RORA: variants seen among roughly 807,000 people sequenced by gnomAD.
The protein encoded by RORA is nuclear receptor ROR-alpha.
Under a neutral mutation model 69.5 loss-of-function variants are expected in RORA, and 7 were observed. That is an observed-to-expected ratio of 0.10 (90% CI 0.06 to 0.19). RORA has a LOEUF of 0.19. Ranked by LOEUF, RORA falls within the 10% of genes least tolerant of loss-of-function variation. The pLI is 1.00. For missense variants in RORA, 457 were observed against 663.0 expected (o/e 0.69, Z 3.41); for synonymous variants, 261 against 240.8 (o/e 1.08, Z -0.78).
intron 1 of RORA, among the ~76,000 whole-genome samples, chr15:60,819,546 G>A (rs2072860281): frequency 6.6e-6 from 1 of 152,080 alleles, no homozygotes; most frequent in Admixed American, 6.5e-5. Flanking sequence ...TTTCTTACAG[G>A]CTTCTGTGAG....
rs143364029 is a variant in RORA, at chr15:60,941,564, G to A, written c.167-262878C>T. Among the ~76,000 whole-genome samples the A allele has an allele frequency of 1.0e-2, 1,520 of 152,324 alleles. 15 individuals are homozygous for A. The highest frequency in any genetic ancestry group is 0.04 in the South Asian group (193 of 4,820). On this transcript the variant is annotated intron_variant, in intron 1 of 10. Coordinates refer to ENST00000335670, the MANE Select transcript of RORA (RefSeq NM_134261.3). ...AGCCTCGGGCTGAGTTCCCTGTCTG[G>A]ACACAGCAGCCAGTTTCTATGATGC... is the stretch of plus-strand genomic sequence containing the variant.
chr15:60,776,446 A>T (rs905279427), intron 1 of RORA, among the ~76,000 whole-genome samples: 25 of 152,206 alleles, frequency 1.6e-4, no homozygotes, highest in Admixed American at 3.9e-4. Flanking sequence ...AAGGCCTGGG[A>T]GGCTAGTGAG....
At position 60,609,854 on chromosome 15, in the gene RORA, G is replaced by A. The variant is rs340012; in HGVS notation, c.196+68803C>T. 2.4e-3 allele frequency among the ~76,000 whole-genome samples: 358 copies of A among 152,148 alleles called. 1 individual carries two copies. Among genetic ancestry groups the A allele is most frequent in the African/African-American group, 8.1e-3 (336 of 41,492 alleles). Reference sequence around the variant, plus strand: ...GAAGGCTGAATGGCTGGACTCTGTCGAATGAATAGATAACACCATTGCAGA... The same window carrying A: ...GAAGGCTGAATGGCTGGACTCTGTCAAATGAATAGATAACACCATTGCAGA... On this transcript the variant is annotated intron_variant, in intron 2 of 10. Transcript: ENST00000335670.
chr15:60,791,379 T>G (rs1471223609), intron 1 of RORA, among the ~76,000 whole-genome samples: 1 of 152,166 alleles, frequency 6.6e-6, no homozygotes, highest in Non-Finnish European at 1.5e-5. Context: ...ACACAATAAT[T>G]TTTAAAAACC....
At chr15:61,046,926 A>G (rs895484885) in intron 1 of RORA, among the ~76,000 whole-genome samples, 1 of 152,174 alleles carries the variant, frequency 6.6e-6, no homozygotes, top group Non-Finnish European at 1.5e-5. Flanking sequence ...TCAAAGTGGA[A>G]TTGATATTTG....
chr15:60,663,710 C>T (rs1163599038), intron 2 of RORA, among the ~76,000 whole-genome samples: 1 of 152,222 alleles, frequency 6.6e-6, no homozygotes, highest in Non-Finnish European at 1.5e-5. Context: ...CCACCTCAGC[C>T]TCCCAAAGTG....
intron 1 of RORA, among the ~76,000 whole-genome samples, chr15:61,121,848 T>TA (rs35795727): frequency 5.7e-4 from 76 of 133,126 alleles, no homozygotes; most frequent in South Asian, 1.9e-3. Flanking sequence ...TGACTTCCTA[T>TA]AAAAAAAAAA....
chr15:61,105,023 C>T (rs1246892977), intron 1 of RORA, among the ~76,000 whole-genome samples: 2 of 140,482 alleles, frequency 1.4e-5, no homozygotes, highest in Non-Finnish European at 3.1e-5. Context: ...CCACGTGGAA[C>T]TCTGAGTCCA....
intron 2 of RORA, among the ~76,000 whole-genome samples, chr15:60,549,964 T>A (rs2140386408): frequency 6.6e-6 from 1 of 152,282 alleles, no homozygotes; most frequent in South Asian, 2.1e-4. Context: ...AAGATGTAAT[T>A]GTCTATATGT....
At chr15:61,224,005 C>CAA (rs11434024) in intron 1 of RORA, among the ~76,000 whole-genome samples, 6,094 of 142,512 alleles carry the variant, frequency 0.043, 163 homozygotes, top group South Asian at 0.073. Context: ...AATTAGATAT[C>CAA]AAAAAAAAAA....
At chr15:60,983,355 CA>C (rs1193892769) in intron 1 of RORA, among the ~76,000 whole-genome samples, 1 of 152,184 alleles carries the variant, frequency 6.6e-6, no homozygotes, top group South Asian at 2.1e-4. Flanking sequence ...CTGAAAGTAT[CA>C]AAGTGTTTTA....
chr15:60,949,019 A>G (rs980389333), intron 1 of RORA, among the ~76,000 whole-genome samples: 3 of 152,210 alleles, frequency 2.0e-5, no homozygotes, highest in Non-Finnish European at 4.4e-5. Flanking sequence ...GCGGTGGACA[A>G]GATGAAGAAA....
chr15:60,902,483 C>T (rs749874118), intron 1 of RORA, among the ~76,000 whole-genome samples: 1 of 152,178 alleles, frequency 6.6e-6, no homozygotes, highest in African/African-American at 2.4e-5. Context: ...AAGAATGCTG[C>T]TTGCAGGTTC....
At chr15:60,863,807 CT>C (rs71122881) in intron 1 of RORA, among the ~76,000 whole-genome samples, 13 of 135,132 alleles carry the variant, frequency 9.6e-5, no homozygotes, top group African/African-American at 2.9e-4. Context: ...CTGTCAGAAT[CT>C]TTTTTTTTTT....
chr15:60,921,180 G>A (rs962686668), intron 1 of RORA, among the ~76,000 whole-genome samples: 3 of 152,116 alleles, frequency 2.0e-5, no homozygotes, highest in Non-Finnish European at 2.9e-5. Context: ...TCCACTGCCA[G>A]GATATATCCA....
At position 61,145,059 on chromosome 15, in the gene RORA, T is replaced by A. The variant is rs551126618; in HGVS notation, c.166+83994A>T. The stretch of plus-strand genomic sequence containing the variant: ...CCTCTATCTAAAAGAAGCCTTTTTT[T>A]GTTTCCATACTACTATATCTAAAAT... On this transcript the variant is annotated intron_variant, in intron 1 of 10. Transcript: ENST00000335670. Among the ~76,000 whole-genome samples, 19 of 152,334 alleles carry A rather than the reference T, an allele frequency of 1.2e-4. 1 individual carries two copies. The South Asian group carries it at 2.9e-3, about 23-fold the overall frequency.
chr15:61,197,310 C>A (rs1292046384), intron 1 of RORA, among the ~76,000 whole-genome samples: 2 of 152,206 alleles, frequency 1.3e-5, no homozygotes, highest in African/African-American at 4.8e-5. Context: ...TAACAGGTTG[C>A]CTTACAGGGA....
At chr15:60,824,954 C>G (rs1158058173) in intron 1 of RORA, among the ~76,000 whole-genome samples, 1 of 152,184 alleles carries the variant, frequency 6.6e-6, no homozygotes. Flanking sequence ...TATAAAATAT[C>G]ATAAAGACAG....
At chr15:60,781,315 T>A (rs951085556) in intron 1 of RORA, among the ~76,000 whole-genome samples, 25 of 152,268 alleles carry the variant, frequency 1.6e-4, no homozygotes, top group African/African-American at 6.0e-4. Flanking sequence ...GCATGCTTTA[T>A]GGTTAGCAGT....
Sources: gnomAD v4.1 joint callset for allele counts (sites outside exome capture counted in the v4.1 genomes callset) on GRCh38, gnomAD v4.1.1 for gene constraint, MANE v1.5 for transcripts, NCBI Gene and HGNC (gene_info 2026-07-23, HGNC 2026-07-21) for gene names.